The following TMF1 variants were observed in gnomAD, a reference collection of about 807,000 sequenced individuals.
TMF1 encodes TATA element modulatory factor.
Under a neutral mutation model 126.5 loss-of-function variants are expected in TMF1, and 71 were observed. The observed-to-expected ratio is 0.56, with a 90% CI of 0.46 to 0.68. TMF1 has a LOEUF of 0.68. TMF1 is among the 30% of genes least tolerant of loss of function. The probability of loss-of-function intolerance (pLI) is 0.00; values close to 1 mark genes in which losing one functional copy is unlikely to be tolerated. For synonymous variants in TMF1, 461 were observed against 430.5 expected, an observed-to-expected ratio of 1.07 and a Z score of -0.88; for missense variants, 1,259 against 1,253.2, an observed-to-expected ratio of 1.00 and a Z score of -0.07.
In TMF1 at chr3:69,047,701, T is replaced by G. The variant is rs2091903295; in HGVS notation, c.1004A>C (p.Asp335Ala). ...ATTGATTTCACTTACACTCCGGCTA[T>G]CTAATGACTGTACACTAAATGAGTC... Reference protein sequence around the residue: ...RIDSFSVQSLDSRSVSEINSD... With the variant: ...RIDSFSVQSLASRSVSEINSD... The change falls in exon 2 of 17, where the codon GAT becomes GCT. Residue 335 changes from aspartate (D) to alanine (A), a missense_variant. Coordinates refer to ENST00000398559, the MANE Select transcript of TMF1 (RefSeq NM_007114.3). 2 of 1,614,168 alleles carry G rather than the reference T, an allele frequency of 1.2e-6. No individual in the cohort carries two copies. Among genetic ancestry groups the G allele is most frequent in the East Asian group, 4.5e-5 (2 of 44,882 alleles).
At chr3:69,023,604 T>C (rs771340707) in intron 16 of TMF1, among the ~76,000 whole-genome samples, 4 of 152,110 alleles carry the variant, frequency 2.6e-5, no homozygotes, top group Non-Finnish European at 5.9e-5. Flanking sequence ...GTAAGCACAC[T>C]TGATATAAAA....
chr3:69,037,478 A>T (rs898648435), intron 8 of TMF1, among the ~76,000 whole-genome samples: 1 of 149,560 alleles, frequency 6.7e-6, no homozygotes, highest in Non-Finnish European at 1.5e-5. Flanking sequence ...CGTCTCTACT[A>T]AAAAAAAACA....
At chr3:69,034,811 CATT>C (rs1385301206) in intron 9 of TMF1, among the ~76,000 whole-genome samples, 3 of 152,248 alleles carry the variant, frequency 2.0e-5, no homozygotes, top group Admixed American at 2.0e-4. Context: ...TCTATCATAA[CATT>C]ATTTTCTATA....
intron 9 of TMF1, 54 bp downstream of exon 9, chr3:69,034,969 T>A: frequency 2.0e-6 from 3 of 1,480,626 alleles, no homozygotes; most frequent in Non-Finnish European, 2.8e-6. Flanking sequence ...ATTCTTTTAT[T>A]TCTAGAAAAA....
chr3:69,046,992 C>T (rs2091899060), intron 2 of TMF1, among the ~76,000 whole-genome samples: 1 of 152,100 alleles, frequency 6.6e-6, no homozygotes, highest in African/African-American at 2.4e-5. Flanking sequence ...TTTTTTGGCA[C>T]ATCTATCTGC....
chr3:69,052,277 A>AGG lies in TMF1; in HGVS notation c.-193_-192dup, dbSNP rs150297020. The AGG allele has an allele frequency of 1.9e-6, 1 of 524,580 alleles. No homozygotes were observed. The highest frequency in any genetic ancestry group is 2.0e-5 in the African/African-American group (1 of 50,746). The allele number at this position is 524,580 out of a possible 1,614,324, so 32.5% of individuals were successfully genotyped here. On this transcript the variant is annotated 5_prime_UTR_variant, in exon 1 of 17. An upstream open reading frame in the 5' UTR gains an earlier in-frame stop. Transcript: ENST00000398559. ...GGCCGTTCCCGCACAGCTGAGACGA[A>AGG]GGGGGCCCATGTGCGCATGCGCTTG...
chr3:69,021,690 T>TG lies in TMF1; in HGVS notation c.*1486_*1487insC, dbSNP rs1403131938. ...TAAAAATTAAATAAGAGTTTGTTTT[T>TG]TTTTTTTTGAGACGGAGTCTTTCTC... On this transcript the variant is annotated 3_prime_UTR_variant, in exon 17 of 17. Transcript: ENST00000398559. The TG allele has an allele frequency of 1.3e-5, 2 of 151,922 alleles. No individual in the cohort carries two copies. Among genetic ancestry groups the TG allele is most frequent in the Non-Finnish European group, 2.9e-5 (2 of 67,946 alleles). The allele number at this position is 151,922 out of a possible 1,614,324, so 9.4% of individuals were successfully genotyped here.
chr3:69,052,293 C>A lies in TMF1; in HGVS notation c.-207G>T, dbSNP rs1054109876. ...CTGAGACGAAGGGGGCCCATGTGCG[C>A]ATGCGCTTGCTTCTTCCACGTACAC... On this transcript the variant is annotated 5_prime_UTR_variant, in exon 1 of 17. It removes an upstream start codon present in the reference 5' UTR. Coordinates refer to ENST00000398559, the MANE Select transcript of TMF1 (RefSeq NM_007114.3). The A allele has an allele frequency of 2.2e-6, 1 of 463,130 alleles. No homozygotes were observed. The highest frequency in any genetic ancestry group is 3.8e-6 in the Non-Finnish European group (1 of 261,782). 28.7% of individuals were successfully genotyped at this position (463,130 alleles called of 1,614,324 possible).
chr3:69,028,265 A>G lies in TMF1; in HGVS notation c.2625T>C (p.Asp875=), dbSNP rs760758303. ...TCTCTTCAAGTGTTCTTACATATTC[A>G]TCTTTTAGGTTTTCCAATTCAACCT... is the stretch of plus-strand genomic sequence containing the variant. ...RYQVELENLK[D]EYVRTLEETR... Residue 875 remains aspartate, a synonymous_variant, in exon 12 of 17, where the codon GAT becomes GAC. Transcript: ENST00000398559. The G allele has an allele frequency of 2.5e-6, 4 of 1,613,134 alleles. No homozygotes were observed. Among genetic ancestry groups the G allele is most frequent in the Non-Finnish European group, 3.4e-6 (4 of 1,179,574 alleles).
chr3:69,030,050 C>T, intron 10 of TMF1, 43 bp from the exon 11 acceptor site: 2 of 1,533,024 alleles, frequency 1.3e-6, no homozygotes, highest in Non-Finnish European at 1.8e-6. Flanking sequence ...ACATACAGCC[C>T]AGAGACCAAA....
In TMF1 at chr3:69,022,290, G is replaced by A. The variant is rs2091742757; in HGVS notation, c.*887C>T. 1 of 152,080 alleles carries A rather than the reference G, an allele frequency of 6.6e-6. No individual in the cohort carries two copies. Among genetic ancestry groups the A allele is most frequent in the African/African-American group, 2.4e-5 (1 of 41,392 alleles). 9.4% of individuals were successfully genotyped at this position (152,080 alleles called of 1,614,324 possible). ...TTCATTTTTAATGTGCTAAAAATAT[G>A]GGTTTACAAAATATGAACAGGTAAT... is the stretch of plus-strand genomic sequence containing the variant. On this transcript the variant is annotated 3_prime_UTR_variant, in exon 17 of 17. Coordinates refer to ENST00000398559, the MANE Select transcript of TMF1 (RefSeq NM_007114.3).
intron 7 of TMF1, 44 bp from the exon 8 acceptor site, chr3:69,038,764 A>G: frequency 6.3e-7 from 1 of 1,591,392 alleles, no homozygotes; most frequent in South Asian, 1.1e-5. Flanking sequence ...CAGTGATCAG[A>G]TAATAGAAAA....
rs547520706 is a variant in TMF1, at chr3:69,047,965, C to T, written c.740G>A (p.Ser247Asn). Residue 247 changes from serine to asparagine, a missense_variant, in exon 2 of 17, where the codon AGT (serine) becomes AAT (asparagine). By Grantham distance (46) the Ser-to-Asn change is conservative. Transcript: ENST00000398559. Reference protein sequence around the residue: ...RQSNTPSPPVSTFSSGTSTTS... With the variant: ...RQSNTPSPPVNTFSSGTSTTS... ...GGTAGAAGTACCTGATGAAAAGGTA[C>T]TAACAGGAGGAGAAGGTGTATTGCT... is the stretch of plus-strand genomic sequence containing the variant. The T allele has an allele frequency of 6.2e-7, 1 of 1,613,874 alleles. No homozygotes were observed. The highest frequency in any genetic ancestry group is 2.2e-5 in the East Asian group (1 of 44,882).
In TMF1 at chr3:69,042,900, T is replaced by A. The variant is rs767530233; in HGVS notation, c.1591A>T (p.Ile531Leu). The change falls in exon 5 of 17, where the codon ATA becomes TTA. Residue 531 changes from isoleucine (I) to leucine (L), a missense_variant. Coordinates refer to ENST00000398559, the MANE Select transcript of TMF1 (RefSeq NM_007114.3). ...RDAAKKEIKNIKEELATRLNS... is the reference protein window; with the variant it reads ...RDAAKKEIKNLKEELATRLNS... ...AATCTAGTGGCAAGTTCTTCTTTTATGTTTTTGATTTCCTAATAAAAAAGA... is the reference window on the plus strand; with the variant it reads ...AATCTAGTGGCAAGTTCTTCTTTTAAGTTTTTGATTTCCTAATAAAAAAGA... The A allele has an allele frequency of 1.2e-6, 2 of 1,610,384 alleles. No homozygotes were observed. Among genetic ancestry groups the A allele is most frequent in the Non-Finnish European group, 1.7e-6 (2 of 1,177,374 alleles).
At chr3:69,048,664 C>T (rs2091910075) in intron 1 of TMF1, 102 bp from the exon 2 acceptor site, 2 of 1,094,570 alleles carry the variant, frequency 1.8e-6, no homozygotes, top group South Asian at 3.9e-5. Flanking sequence ...GAAAAAATAC[C>T]CTATGAAATA....
At chr3:69,026,507 C>T (rs1194542953) in intron 13 of TMF1, among the ~76,000 whole-genome samples, 2 of 152,144 alleles carry the variant, frequency 1.3e-5, no homozygotes, top group East Asian at 3.9e-4. Flanking sequence ...GAGGCAGAAT[C>T]GCTTGAACCT....
At chr3:69,024,802 C>CTTTTTTTT (rs71112685) in intron 15 of TMF1, 2 of 99,936 alleles carry the variant, frequency 2.0e-5, no homozygotes, top group African/African-American at 3.9e-5. Context: ...TTTCAAATTT[C>CTTTTTTTT]TTTTTTTTTT....
intron 2 of TMF1, 72 bp downstream of exon 2, chr3:69,047,286 A>C (rs760317132): frequency 4.8e-5 from 70 of 1,470,352 alleles, no homozygotes; most frequent in Non-Finnish European, 6.1e-5. Flanking sequence ...CATCAATGAA[A>C]GTATTTTTTA....
Position 69,047,623 on chromosome 3 carries a change from T to G in TMF1, c.1082A>C (p.Asn361Thr), listed in dbSNP as rs371337662. The G allele has an allele frequency of 1.2e-5, 19 of 1,614,024 alleles. No homozygotes were observed. The highest frequency in any genetic ancestry group is 1.7e-5 in the Admixed American group (1 of 60,004). Residue 361 changes from asparagine to threonine, a missense_variant, in exon 2 of 17, where the codon AAT becomes ACT. By Grantham distance (65) the Asn-to-Thr change is moderately conservative. Coordinates refer to ENST00000398559, the MANE Select transcript of TMF1 (RefSeq NM_007114.3). ...TGTTTTAGACTTTGGAGTTGAAGAA[T>G]TAACTATAATAGGCACTAAAGCATA... Reference protein sequence around the residue: ...KGYALVPIIVNSSTPKSKTVE... With the variant: ...KGYALVPIIVTSSTPKSKTVE...
Sources: allele counts gnomAD v4.1 joint callset (sites outside exome capture counted in the v4.1 genomes callset), GRCh38; gene constraint gnomAD v4.1.1; transcripts MANE v1.5; gene names NCBI Gene and HGNC (gene_info 2026-07-23, HGNC 2026-07-21).